UNC13C: variants seen among roughly 807,000 people sequenced by gnomAD.
UNC13C encodes unc-13 homolog C, also known as protein unc-13 homolog C.
A neutral mutation model predicts 245.4 loss-of-function variants in UNC13C; 174 were observed. The ratio of observed to expected loss-of-function variants is 0.71; its 90% CI spans 0.63 to 0.80. The LOEUF (loss-of-function observed/expected upper bound fraction) is 0.80. UNC13C is among the 30% of genes least tolerant of loss of function. The probability of loss-of-function intolerance (pLI) is 0.00; values close to 1 mark genes in which losing one functional copy is unlikely to be tolerated. For synonymous variants in UNC13C, 992 were observed against 895.1 expected (o/e 1.11, Z -1.93); for missense variants, 2,829 against 2,602.9 (o/e 1.09, Z -1.89).
chr15:54,593,435 A>C (rs1310915875), intron 30 of UNC13C, among the ~76,000 whole-genome samples: 1 of 152,122 alleles, frequency 6.6e-6, no homozygotes, highest in African/African-American at 2.4e-5. Flanking sequence ...ATTATTCCTC[A>C]AGAACACCAA....
chr15:54,507,214 A>C lies in UNC13C; in HGVS notation c.5379+20A>C. 2 of 1,483,222 alleles carry C rather than the reference A, an allele frequency of 1.3e-6. No homozygotes were observed. The highest frequency in any genetic ancestry group is 9.3e-7 in the Non-Finnish European group (1 of 1,079,546). The allele number at this position is 1,483,222 out of a possible 1,614,324, so 91.9% of individuals were successfully genotyped here. On this transcript the variant is annotated intron_variant, in intron 23 of 32. Transcript: ENST00000260323. ...AATGTGGTAAGTAAAAAATGTCTCT[A>C]CTTTCAAGTATCTCTCAGTTGAGAT... is the stretch of plus-strand genomic sequence containing the variant.
At chr15:54,239,570 C>T (rs996897518) in intron 7 of UNC13C, among the ~76,000 whole-genome samples, 1 of 152,192 alleles carries the variant, frequency 6.6e-6, no homozygotes, top group Non-Finnish European at 1.5e-5. Context: ...CTGGCCTCTG[C>T]CTTCTGGGTA....
At chr15:54,143,539 C>A in intron 3 of UNC13C, 81 bp from the exon 4 acceptor site, 2 of 1,123,326 alleles carry the variant, frequency 1.8e-6, no homozygotes, top group Non-Finnish European at 2.6e-6. Context: ...TGCAGCTGAC[C>A]TGTGTCCCGA....
intron 4 of UNC13C, among the ~76,000 whole-genome samples, chr15:54,234,003 A>C (rs1197116734): frequency 6.6e-6 from 1 of 152,196 alleles, no homozygotes; most frequent in Non-Finnish European, 1.5e-5. Context: ...CAATGTATCA[A>C]ACTCATTCCA....
At chr15:54,435,962 G>A (rs1363453892) in intron 19 of UNC13C, among the ~76,000 whole-genome samples, 1 of 151,704 alleles carries the variant, frequency 6.6e-6, no homozygotes, top group Non-Finnish European at 1.5e-5. Context: ...ACAGTTATGT[G>A]GCCAAGAAAC....
chr15:53,883,442 T>A, the UNC13C span, among the ~76,000 whole-genome samples: 9 of 152,194 alleles, frequency 5.9e-5, no homozygotes, highest in Non-Finnish European at 1.2e-4. Flanking sequence ...AAAAGATAAC[T>A]TTAAAGATAA....
At chr15:54,437,567 A>G (rs1423389496) in intron 19 of UNC13C, among the ~76,000 whole-genome samples, 1 of 151,888 alleles carries the variant, frequency 6.6e-6, no homozygotes, top group African/African-American at 2.4e-5. Flanking sequence ...ATTTTCCTGT[A>G]AGTCACGCCA....
At chr15:53,851,534 C>T in the UNC13C span, among the ~76,000 whole-genome samples, 1 of 152,166 alleles carries the variant, frequency 6.6e-6, no homozygotes, top group African/African-American at 2.4e-5. Flanking sequence ...CTCTCTCTTT[C>T]TCTCTCTGTG....
At chr15:53,902,199 TCTA>T in the UNC13C span, among the ~76,000 whole-genome samples, 4 of 152,176 alleles carry the variant, frequency 2.6e-5, no homozygotes, top group Admixed American at 2.6e-4. Context: ...AGTTTTCCCT[TCTA>T]GTCCAAATGG....
At chr15:54,492,398 A>C (rs1181532052) in intron 19 of UNC13C, among the ~76,000 whole-genome samples, 1 of 152,168 alleles carries the variant, frequency 6.6e-6, no homozygotes, top group Non-Finnish European at 1.5e-5. Flanking sequence ...GTTAAACCTC[A>C]TGTATCTAGA....
intron 2 of UNC13C, among the ~76,000 whole-genome samples, chr15:54,048,319 T>G (rs992554104): frequency 6.6e-6 from 1 of 152,206 alleles, no homozygotes; most frequent in Non-Finnish European, 1.5e-5. Context: ...TTGTTTATGT[T>G]TCCTCTTTAC....
intron 5 of UNC13C, among the ~76,000 whole-genome samples, chr15:54,236,184 A>G (rs2035694478): frequency 6.6e-6 from 1 of 152,180 alleles, no homozygotes; most frequent in African/African-American, 2.4e-5. Flanking sequence ...TACATCAGTA[A>G]TTTTTAATTT....
At chr15:54,215,135 A>G (rs532232604) in intron 4 of UNC13C, among the ~76,000 whole-genome samples, 1 of 151,866 alleles carries the variant, frequency 6.6e-6, no homozygotes, top group South Asian at 2.1e-4. Flanking sequence ...TTGACAAACA[A>G]TGTGTAAAGA....
chr15:53,997,800 TTTA>T (rs771463504), intron 1 of UNC13C, among the ~76,000 whole-genome samples: 4 of 152,006 alleles, frequency 2.6e-5, no homozygotes, highest in African/African-American at 7.2e-5. Context: ...TTTATTTTAT[TTTA>T]TTATTATTAT....
chr15:53,852,591 C>T, the UNC13C span, among the ~76,000 whole-genome samples: 6 of 152,116 alleles, frequency 3.9e-5, no homozygotes, highest in African/African-American at 1.4e-4. Flanking sequence ...GAAATCTGAG[C>T]TCTTTGACTA....
chr15:54,452,969 G>A (rs2141011271), intron 19 of UNC13C, among the ~76,000 whole-genome samples: 1 of 152,316 alleles, frequency 6.6e-6, no homozygotes, highest in East Asian at 1.9e-4. Flanking sequence ...GATTCTAAGG[G>A]TGTGGAAATG....
At chr15:54,049,987 TGAGACA>T in intron 2 of UNC13C, 1 of 214,360 alleles carries the variant, frequency 4.7e-6, no homozygotes, top group South Asian at 6.9e-5. Context: ...TTTCTTTTTG[TGAGACA>T]GAGTCTCACT....
intron 2 of UNC13C, among the ~76,000 whole-genome samples, chr15:54,023,428 C>T (rs1390504537): frequency 6.6e-6 from 1 of 152,098 alleles, no homozygotes; most frequent in East Asian, 1.9e-4. Context: ...ACTGAGCTCT[C>T]TTAATAAAAG....
chr15:54,471,581 TC>T (rs1359727519), intron 19 of UNC13C, among the ~76,000 whole-genome samples: 1 of 151,614 alleles, frequency 6.6e-6, no homozygotes, highest in Non-Finnish European at 1.5e-5. Flanking sequence ...CTATGACTTT[TC>T]CATAAGGTGA....
Sources: allele counts gnomAD v4.1 joint callset (sites outside exome capture counted in the v4.1 genomes callset), GRCh38; gene constraint gnomAD v4.1.1; transcripts MANE v1.5; gene names NCBI Gene and HGNC (gene_info 2026-07-23, HGNC 2026-07-21).